Variants in CSMD1 observed in about 807,000 individuals in gnomAD.
The protein encoded by CSMD1 is CUB and Sushi multiple domains 1.
Under a neutral mutation model 417.5 loss-of-function variants are expected in CSMD1, and 213 were observed. The ratio of observed to expected loss-of-function variants is 0.51; its 90% CI spans 0.46 to 0.57. The LOEUF (loss-of-function observed/expected upper bound fraction) is 0.57, where lower values mean the gene tolerates loss of function less well. Ranked by LOEUF, CSMD1 falls within the 20% of genes least tolerant of loss-of-function variation. The pLI is 0.00. For synonymous variants in CSMD1, 2,862 were observed against 1,736.8 expected (o/e 1.65, Z -16.11); for missense variants, 6,923 against 4,529.7 (o/e 1.53, Z -15.17).
In CSMD1 at chr8:4,124,123, A is replaced by G. The variant is rs192978830; in HGVS notation, c.416-92024T>C. Among the ~76,000 whole-genome samples the G allele has an allele frequency of 8.5e-5, 13 of 152,324 alleles. No individual in the cohort carries two copies. The East Asian group carries it at 1.4e-3, about 16-fold the overall frequency. On this transcript the variant is annotated intron_variant, in intron 3 of 69. Transcript: ENST00000635120. ...AGAGAAAGAAAAACTATTTTCTGCA[A>G]GAAGTCAAGTGATGAATGTTGTCCT...
In CSMD1 at chr8:3,934,448, T is replaced by C. The variant is rs192104721; in HGVS notation, c.818+63455A>G. ...TAATTGTTAAAAATTGTTCTCATAATTTTCAAAGTAAATGAATGTCTTTTT... is the reference window on the plus strand; with the variant it reads ...TAATTGTTAAAAATTGTTCTCATAACTTTCAAAGTAAATGAATGTCTTTTT... On this transcript the variant is annotated intron_variant, in intron 5 of 69. Transcript: ENST00000635120. 3.7e-3 allele frequency among the ~76,000 whole-genome samples: 561 copies of C among 152,312 alleles called. 2 individuals carry two copies. Among genetic ancestry groups the C allele is most frequent in the African/African-American group, 0.012 (496 of 41,556 alleles).
chr8:3,364,158 T>TA (rs35668840), intron 20 of CSMD1, among the ~76,000 whole-genome samples: 12,862 of 149,438 alleles, frequency 0.086, 570 homozygotes, highest in Middle Eastern at 0.14. Flanking sequence ...TTTGTATACT[T>TA]AAAAAAAAAA....
At chr8:3,312,198 T>G (rs1046704185) in intron 23 of CSMD1, among the ~76,000 whole-genome samples, 3 of 152,222 alleles carry the variant, frequency 2.0e-5, no homozygotes, top group African/African-American at 7.2e-5. Flanking sequence ...TTGCTTTTTC[T>G]ATCAATCATT....
chr8:4,431,097 T>C (rs1797846264), intron 2 of CSMD1, among the ~76,000 whole-genome samples: 5 of 152,150 alleles, frequency 3.3e-5, no homozygotes, highest in African/African-American at 1.2e-4. Context: ...TTAATATATT[T>C]AATCTTAAAC....
chr8:4,208,376 A>C (rs1015125899), intron 3 of CSMD1, among the ~76,000 whole-genome samples: 6 of 152,226 alleles, frequency 3.9e-5, no homozygotes, highest in African/African-American at 2.4e-5. Context: ...CATTTCCCCA[A>C]GGAATTGAGT....
rs1798751441 is a variant in CSMD1, at chr8:3,230,193, G to T, written c.4192C>A (p.Gln1398Lys). The change falls in exon 27 of 70, where the codon CAA becomes AAA. Residue 1398 changes from glutamine (Q) to lysine (K), a missense_variant. Transcript: ENST00000635120. ...AATCNDPGMP[Q>K]NGTRYGDSRE... ...CTGTCTCCATAGCGGGTGCCATTTTGGGGCATACCTGGATCGTTACAGGTG... is the reference window on the plus strand; with the variant it reads ...CTGTCTCCATAGCGGGTGCCATTTTTGGGCATACCTGGATCGTTACAGGTG... The T allele has an allele frequency of 1.9e-6, 3 of 1,610,010 alleles. No homozygotes were observed. The highest frequency in any genetic ancestry group is 1.3e-5 in the African/African-American group (1 of 74,762).
At chr8:4,050,180 T>G (rs370169710) in intron 3 of CSMD1, among the ~76,000 whole-genome samples, 7 of 152,134 alleles carry the variant, frequency 4.6e-5, no homozygotes, top group African/African-American at 1.4e-4. Flanking sequence ...GGACTTCCAC[T>G]CTGGATGTTG....
chr8:4,453,365 G>A (rs1047033070), intron 2 of CSMD1, among the ~76,000 whole-genome samples: 1 of 152,118 alleles, frequency 6.6e-6, no homozygotes, highest in South Asian at 2.1e-4. Context: ...GCTGGGATTG[G>A]GGGTCTCCTG....
At chr8:4,469,394 A>G (rs1800388468) in intron 2 of CSMD1, among the ~76,000 whole-genome samples, 1 of 152,206 alleles carries the variant, frequency 6.6e-6, no homozygotes, top group Non-Finnish European at 1.5e-5. Context: ...GGCTGGTGTC[A>G]GCATTCTGCC....
At chr8:4,027,982 C>CT (rs1319817612) in intron 4 of CSMD1, among the ~76,000 whole-genome samples, 2 of 152,052 alleles carry the variant, frequency 1.3e-5, no homozygotes, top group Non-Finnish European at 2.9e-5. Flanking sequence ...ATGGCACTCT[C>CT]TTAAGTGAGA....
At chr8:3,895,552 A>G (rs1379585895) in intron 5 of CSMD1, among the ~76,000 whole-genome samples, 1 of 152,174 alleles carries the variant, frequency 6.6e-6, no homozygotes, top group African/African-American at 2.4e-5. Context: ...AAAGGATATA[A>G]GCACATGAAA....
At chr8:4,681,669 TCCC>T (rs35043011) in intron 1 of CSMD1, among the ~76,000 whole-genome samples, 1 of 151,766 alleles carries the variant, frequency 6.6e-6, no homozygotes, top group Non-Finnish European at 1.5e-5. Flanking sequence ...CTCTCATACA[TCCC>T]CCCTTTTCCT....
At chr8:4,595,465 T>C (rs1332914398) in intron 2 of CSMD1, among the ~76,000 whole-genome samples, 4 of 151,814 alleles carry the variant, frequency 2.6e-5, no homozygotes. Context: ...CTGTTCTGGT[T>C]CTGTGGCTTC....
chr8:4,623,748 T>C (rs544909586), intron 2 of CSMD1, among the ~76,000 whole-genome samples: 2 of 152,160 alleles, frequency 1.3e-5, no homozygotes, highest in South Asian at 2.1e-4. Flanking sequence ...TGTGTATATA[T>C]ATATTTCATA....
chr8:4,731,328 C>T (rs945174381), intron 1 of CSMD1, among the ~76,000 whole-genome samples: 1 of 152,256 alleles, frequency 6.6e-6, no homozygotes, highest in Admixed American at 6.5e-5. Context: ...TTTGCTCCCA[C>T]CTCATAAGCT....
At chr8:4,094,485 C>A (rs1342538738) in intron 3 of CSMD1, among the ~76,000 whole-genome samples, 1 of 152,142 alleles carries the variant, frequency 6.6e-6, no homozygotes, top group African/African-American at 2.4e-5. Context: ...CCTGGATTAA[C>A]GCTGGAGCAA....
At chr8:3,304,361 T>G (rs1308347041) in intron 25 of CSMD1, among the ~76,000 whole-genome samples, 1 of 152,172 alleles carries the variant, frequency 6.6e-6, no homozygotes, top group African/African-American at 2.4e-5. Flanking sequence ...GACACCATTT[T>G]TTCTGAGTAT....
chr8:3,458,905 T>C (rs958536867), intron 12 of CSMD1, among the ~76,000 whole-genome samples: 2 of 152,180 alleles, frequency 1.3e-5, no homozygotes, highest in Admixed American at 6.5e-5. Flanking sequence ...AAGGAGCTGC[T>C]GCTGGTAGCC....
At chr8:2,965,701 C>T (rs1167577066) in intron 59 of CSMD1, 74 bp downstream of exon 59, 3 of 1,383,448 alleles carry the variant, frequency 2.2e-6, no homozygotes, top group Non-Finnish European at 3.0e-6. Flanking sequence ...TAAATGCTTG[C>T]AAAATTAAAC....
Sources: allele counts gnomAD v4.1 joint callset (sites outside exome capture counted in the v4.1 genomes callset), GRCh38; gene constraint gnomAD v4.1.1; transcripts MANE v1.5; gene names NCBI Gene and HGNC (gene_info 2026-07-23, HGNC 2026-07-21).